Variants in PTDSS2 observed in about 807,000 individuals in gnomAD.
PTDSS2 encodes phosphatidylserine synthase 2, also known as PSS-2.
A neutral mutation model predicts 64.7 loss-of-function variants in PTDSS2; 41 were observed. The ratio of observed to expected loss-of-function variants is 0.63; its 90% confidence interval spans 0.49 to 0.82. The LOEUF is 0.82. PTDSS2 is among the 40% of genes least tolerant of loss of function. The pLI is 0.00. For synonymous variants in PTDSS2, 297 were observed against 277.8 expected, an observed-to-expected ratio of 1.07 and a Z score of -0.69; for missense variants, 485 against 650.0, an observed-to-expected ratio of 0.75 and a Z score of 2.76.
intron 5 of PTDSS2, 54 bp downstream of exon 5, chr11:487,127 G>A (rs539043548): frequency 7.5e-4 from 1,155 of 1,531,200 alleles, no homozygotes; most frequent in Non-Finnish European, 9.3e-4. Context: ...GCCCCGTGCC[G>A]GACCAGGCGC....
chr11:450,601 C>G lies in PTDSS2; in HGVS notation c.146C>G (p.Ser49Cys). The G allele has an allele frequency of 4.0e-6, 5 of 1,243,706 alleles. No homozygotes were observed. Among genetic ancestry groups the G allele is most frequent in the Non-Finnish European group, 5.1e-6 (5 of 986,352 alleles). The allele number at this position is 1,243,706 out of a possible 1,614,324, so 77.0% of individuals were successfully genotyped here. ...GPGEGRRSTE[S>C]EVYDDGTNTF... is the part of the protein sequence containing the mutation. ...GGCGAGGGCCGCCGCAGCACCGAGT[C>G]CGAGGTCTACGACGACGGCACCAAC... Residue 49 changes from serine to cysteine, a missense_variant, in exon 1 of 12, where the codon TCC becomes TGC. Ser to Cys is a moderately radical substitution (Grantham distance 112). Transcript: ENST00000308020.
chr11:474,086 C>T, intron 3 of PTDSS2, 109 bp downstream of exon 3: 2 of 952,688 alleles, frequency 2.1e-6, no homozygotes, highest in Admixed American at 3.4e-5. Context: ...CTCCGCCTGG[C>T]CCCTCCCCGA....
At position 461,239 on chromosome 11, in the gene PTDSS2, A is replaced by G. The variant is rs911301280; in HGVS notation, c.284+951A>G. Among the ~76,000 whole-genome samples the G allele has an allele frequency of 3.3e-5, 5 of 150,614 alleles. No homozygotes were observed. Among genetic ancestry groups the G allele is most frequent in the African/African-American group, 1.2e-4 (5 of 41,140 alleles). On this transcript the variant is annotated intron_variant, in intron 2 of 11. Coordinates refer to ENST00000308020, the MANE Select transcript of PTDSS2 (RefSeq NM_030783.3). The surrounding 1 kb of genome is among the most constrained non-coding windows in gnomAD (Gnocchi z 4.2). ...ATCTTCGTGACTGTTGGGTGGGGTGATGGGTGGGCATGGTGTGAACGTCAT... is the reference window on the plus strand; with the variant it reads ...ATCTTCGTGACTGTTGGGTGGGGTGGTGGGTGGGCATGGTGTGAACGTCAT...
intron 2 of PTDSS2, among the ~76,000 whole-genome samples, chr11:471,472 G>A (rs1847426623): frequency 6.6e-6 from 1 of 152,270 alleles, no homozygotes; most frequent in African/African-American, 2.4e-5. Context: ...AGAGTCCTGT[G>A]TGACCCGGTC....
At chr11:478,637 G>A (rs895154166) in intron 3 of PTDSS2, among the ~76,000 whole-genome samples, 3 of 152,044 alleles carry the variant, frequency 2.0e-5, no homozygotes, top group South Asian at 4.1e-4. Flanking sequence ...CCAGCTACTC[G>A]GGAGGCTGAG....
chr11:484,464 A>C lies in PTDSS2; in HGVS notation c.436-2475A>C, dbSNP rs558661462. 3.9e-5 allele frequency among the ~76,000 whole-genome samples: 6 copies of C among 152,126 alleles called. No homozygotes were observed. In the East Asian group the frequency reaches 1.2e-3, roughly 29 times the overall value. On this transcript the variant is annotated intron_variant, in intron 4 of 11. Coordinates refer to ENST00000308020, the MANE Select transcript of PTDSS2 (RefSeq NM_030783.3). The stretch of plus-strand genomic sequence containing the variant: ...GCTCACAGAGGACGGGCATGTGTGC[A>C]CTCACTGTGTGTGCAGGCGTCTGTA...
chr11:487,073 G>C lies in PTDSS2; in HGVS notation c.570G>C (p.Trp190Cys), dbSNP rs746865930. 6.2e-7 allele frequency: 1 copy of C among 1,612,012 alleles called. No individual in the cohort carries two copies. The highest frequency in any genetic ancestry group is 8.5e-7 in the Non-Finnish European group (1 of 1,179,240). ...AGACTGACCCCTTTCACAACATCTG[G>C]GTAAGACGCCGGGGGCCCTGAGGCG... ...DNETDPFHNI[W>C]DKLDGFVPAH... Residue 190 changes from tryptophan (W) to cysteine (C), a missense_variant and splice_region_variant, in exon 5 of 12, where the codon TGG becomes TGC. Trp to Cys is a radical substitution (Grantham distance 215). Coordinates refer to ENST00000308020, the MANE Select transcript of PTDSS2 (RefSeq NM_030783.3).
In PTDSS2 at chr11:490,851, G is replaced by C; in HGVS notation, c.*269G>C. 2.1e-6 allele frequency: 1 copy of C among 469,722 alleles called. No individual in the cohort carries two copies. Among genetic ancestry groups the C allele is most frequent in the Non-Finnish European group, 3.8e-6 (1 of 263,848 alleles). The allele number at this position is 469,722 out of a possible 1,614,324, so 29.1% of individuals were successfully genotyped here. ...GCGTGGCCGCCTGTGGTGTGCACGT[G>C]TGCTCTGGGCTCCGAGGCTTCTCCA... is the stretch of plus-strand genomic sequence containing the variant. On this transcript the variant is annotated 3_prime_UTR_variant, in exon 12 of 12. Coordinates refer to ENST00000308020, the MANE Select transcript of PTDSS2 (RefSeq NM_030783.3).
At position 487,542 on chromosome 11, in the gene PTDSS2, T is replaced by C. The variant is rs193225922; in HGVS notation, c.621+72T>C. The C allele has an allele frequency of 1.3e-5, 19 of 1,415,464 alleles. No homozygotes were observed. In the East Asian group the frequency reaches 3.4e-4, roughly 25 times the overall value. 87.7% of individuals were successfully genotyped at this position (1,415,464 alleles called of 1,614,324 possible). A position where few individuals can be genotyped will look rare whatever the true frequency, so the allele number is the denominator to read the frequency against. On this transcript the variant is annotated intron_variant, in intron 6 of 11. Transcript: ENST00000308020. ...TGCCGTGGGCTCTGGACCGTTTCTG[T>C]CCATGGAGTTGAGCTCAGGGTGCTC...
At position 462,480 on chromosome 11, in the gene PTDSS2, C is replaced by T. The variant is rs1846936402; in HGVS notation, c.284+2192C>T. Among the ~76,000 whole-genome samples, 1 of 152,224 alleles carries T rather than the reference C, an allele frequency of 6.6e-6. No individual in the cohort carries two copies. The highest frequency in any genetic ancestry group is 2.4e-5 in the African/African-American group (1 of 41,458). On this transcript the variant is annotated intron_variant, in intron 2 of 11. Transcript: ENST00000308020. This position sits in a 1 kb window ranked among gnomAD's most constrained non-coding sequence, Gnocchi z 4.5. ...GCTCCCAACTCACATTCTCTTTCCC[C>T]CTCACCCTCTTTGAGGGCACAAAAG...
chr11:484,750 G>A (rs1848226414), intron 4 of PTDSS2, among the ~76,000 whole-genome samples: 1 of 148,334 alleles, frequency 6.7e-6, no homozygotes, highest in Admixed American at 6.7e-5. Flanking sequence ...CGTGTGCGCA[G>A]GCGAGTGTAA....
At chr11:454,646 A>G (rs967056357) in intron 1 of PTDSS2, among the ~76,000 whole-genome samples, 4 of 152,152 alleles carry the variant, frequency 2.6e-5, no homozygotes, top group Non-Finnish European at 4.4e-5. Context: ...CTCTACTAAA[A>G]ATACAAAAAT....
intron 2 of PTDSS2, among the ~76,000 whole-genome samples, chr11:472,285 G>A (rs982926609): frequency 2.0e-5 from 3 of 152,200 alleles, no homozygotes; most frequent in Non-Finnish European, 2.9e-5. Context: ...CTGAGGTGGG[G>A]CCTATGTCTG....
At position 490,586 on chromosome 11, in the gene PTDSS2, G is replaced by A; in HGVS notation, c.*4G>A. ...GGGAGCACCAACTCCAAACTGACCT[G>A]GGCCGTGGCTGCCTCGTGAGCCTCC... is the stretch of plus-strand genomic sequence containing the variant. On this transcript the variant is annotated 3_prime_UTR_variant, in exon 12 of 12. Coordinates refer to ENST00000308020, the MANE Select transcript of PTDSS2 (RefSeq NM_030783.3). 1 of 1,581,586 alleles carries A rather than the reference G, an allele frequency of 6.3e-7. No individual in the cohort carries two copies. Among genetic ancestry groups the A allele is most frequent in the Non-Finnish European group, 8.6e-7 (1 of 1,163,992 alleles).
chr11:451,057 G>A (rs1846301701), intron 1 of PTDSS2, among the ~76,000 whole-genome samples: 2 of 152,206 alleles, frequency 1.3e-5, no homozygotes, highest in African/African-American at 4.8e-5. Flanking sequence ...TCTGCCTGTG[G>A]TTGCTCCTCA....
intron 8 of PTDSS2, 43 bp from the exon 9 acceptor site, chr11:489,357 C>T (rs1431219275): frequency 2.3e-5 from 36 of 1,546,452 alleles, no homozygotes; most frequent in African/African-American, 2.7e-5. Context: ...GGGCAGGGTT[C>T]GGTGGGCTGC....
intron 3 of PTDSS2, among the ~76,000 whole-genome samples, chr11:475,371 G>A (rs1166056694): frequency 1.4e-5 from 2 of 147,986 alleles, no homozygotes; most frequent in African/African-American, 5.0e-5. Flanking sequence ...TCACATATTT[G>A]TGTGTATGGA....
intron 1 of PTDSS2, among the ~76,000 whole-genome samples, chr11:458,051 A>T (rs898891066): frequency 1.3e-5 from 2 of 151,994 alleles, no homozygotes; most frequent in Admixed American, 1.3e-4. Context: ...ATTTGCTTTC[A>T]CGGTGACCAG....
intron 1 of PTDSS2, among the ~76,000 whole-genome samples, chr11:451,645 G>A (rs1039194062): frequency 2.0e-5 from 3 of 152,226 alleles, no homozygotes; most frequent in Admixed American, 1.3e-4. Flanking sequence ...CTGTGGGATG[G>A]TCGGAGAGCA....
Sources: gnomAD v4.1 joint callset for allele counts (sites outside exome capture counted in the v4.1 genomes callset) on GRCh38, gnomAD v4.1.1 for gene constraint, Gnocchi (gnomAD v3.1) non-coding constraint, MANE v1.5 for transcripts, NCBI Gene and HGNC (gene_info 2026-07-23, HGNC 2026-07-21) for gene names.